Variants in NKAIN2 observed in about 807,000 individuals in gnomAD.
The protein encoded by NKAIN2 is sodium/potassium-transporting ATPase subunit beta-1-interacting protein 2.
NKAIN2 carries 14 observed loss-of-function variants against 32.6 expected under a neutral mutation model. The observed-to-expected ratio is 0.43, with a 90% CI of 0.28 to 0.67. NKAIN2 has a LOEUF of 0.67. Ranked by LOEUF, NKAIN2 falls within the 30% of genes least tolerant of loss-of-function variation. The probability of loss-of-function intolerance (pLI) is 0.17; values close to 1 mark genes in which losing one functional copy is unlikely to be tolerated. For missense variants in NKAIN2, 198 were observed against 258.3 expected (o/e 0.77, Z 1.60); for synonymous variants, 80 against 87.2 (o/e 0.92, Z 0.46).
intron 2 of NKAIN2, among the ~76,000 whole-genome samples, chr6:124,345,951 G>A (rs536096156): frequency 1.3e-5 from 2 of 151,944 alleles, no homozygotes; most frequent in Admixed American, 1.3e-4. Flanking sequence ...GATCTTTCCT[G>A]CTTTCTCTTC....
chr6:124,126,909 A>G (rs1163830094), intron 1 of NKAIN2, among the ~76,000 whole-genome samples: 6 of 152,162 alleles, frequency 3.9e-5, no homozygotes, highest in Non-Finnish European at 7.4e-5. Flanking sequence ...GAGCCATGCC[A>G]CTGCACTCCA....
chr6:123,940,684 G>T (rs1370478238), intron 1 of NKAIN2, among the ~76,000 whole-genome samples: 3 of 151,950 alleles, frequency 2.0e-5, no homozygotes, highest in Admixed American at 1.3e-4. Flanking sequence ...ATTTAAAATG[G>T]TACATCTGTA....
chr6:123,825,991 G>C (rs1324506075), intron 1 of NKAIN2, among the ~76,000 whole-genome samples: 1 of 152,114 alleles, frequency 6.6e-6, no homozygotes, highest in Non-Finnish European at 1.5e-5. Flanking sequence ...ATTAATTTCT[G>C]CATTTAAAAA....
At chr6:124,773,007 A>G (rs1034827505) in intron 4 of NKAIN2, among the ~76,000 whole-genome samples, 1 of 10,624 alleles carries the variant, frequency 9.4e-5, no homozygotes, top group African/African-American at 1.4e-4. Context: ...ATTCATAAGT[A>G]GGTGGGAGAA....
rs369211364 is a variant in NKAIN2, at chr6:123,859,322, G to A, written c.54+55068G>A. ...GTGGGAAGCAAAATTATAATCAAAA[G>A]ATTATGTGATGAGTTGGGTGAATCA... On this transcript the variant is annotated intron_variant, in intron 1 of 6. Transcript: ENST00000368417. Among the ~76,000 whole-genome samples, 105 of 152,236 alleles carry A rather than the reference G, an allele frequency of 6.9e-4. 1 individual carries two copies. The highest frequency in any genetic ancestry group is 2.4e-3 in the African/African-American group (100 of 41,554).
intron 1 of NKAIN2, among the ~76,000 whole-genome samples, chr6:124,221,253 G>A (rs1474855977): frequency 3.9e-5 from 6 of 152,004 alleles, no homozygotes; most frequent in Non-Finnish European, 7.4e-5. Flanking sequence ...CATGTACTTT[G>A]TAGGGACATG....
chr6:124,112,937 G>A (rs1785449685), intron 1 of NKAIN2, among the ~76,000 whole-genome samples: 2 of 149,978 alleles, frequency 1.3e-5, no homozygotes, highest in South Asian at 4.2e-4. Context: ...CTCTTTCTTT[G>A]TTGAAATTCT....
chr6:124,411,697 T>C (rs1774193273), intron 3 of NKAIN2, among the ~76,000 whole-genome samples: 1 of 152,150 alleles, frequency 6.6e-6, no homozygotes, highest in African/African-American at 2.4e-5. Context: ...TTTGTGGCGT[T>C]CTCTGTATTT....
intron 2 of NKAIN2, among the ~76,000 whole-genome samples, chr6:124,342,843 T>C (rs1341721971): frequency 7.9e-6 from 1 of 126,380 alleles, no homozygotes; most frequent in East Asian, 2.1e-4. Context: ...TTATTATTAT[T>C]ATTATACTTT....
At chr6:123,813,756 G>C (rs918488040) in intron 1 of NKAIN2, among the ~76,000 whole-genome samples, 1 of 152,052 alleles carries the variant, frequency 6.6e-6, no homozygotes, top group African/African-American at 2.4e-5. Context: ...AGGTTGCAGT[G>C]AGCCAAGATC....
At chr6:124,267,952 TTG>T (rs1349505184) in intron 1 of NKAIN2, among the ~76,000 whole-genome samples, 1 of 152,196 alleles carries the variant, frequency 6.6e-6, no homozygotes, top group African/African-American at 2.4e-5. Flanking sequence ...ATCTTAATTA[TTG>T]TTTTTCCACT....
At chr6:124,586,222 T>C (rs181651016) in intron 3 of NKAIN2, among the ~76,000 whole-genome samples, 30 of 152,322 alleles carry the variant, frequency 2.0e-4, no homozygotes, top group African/African-American at 3.4e-4. Context: ...ATAGCTAAAA[T>C]GTTTAAAATA....
At chr6:124,099,251 C>T (rs918062778) in intron 1 of NKAIN2, among the ~76,000 whole-genome samples, 13 of 151,916 alleles carry the variant, frequency 8.6e-5, no homozygotes, top group Non-Finnish European at 1.8e-4. Flanking sequence ...CATTTAATTC[C>T]TGTAATAATA....
At chr6:124,446,245 G>A (rs1182188124) in intron 3 of NKAIN2, among the ~76,000 whole-genome samples, 8 of 152,088 alleles carry the variant, frequency 5.3e-5, no homozygotes, top group African/African-American at 1.9e-4. Context: ...ATTTCTATTG[G>A]TCATGCTAGT....
At chr6:123,817,644 C>T (rs1773749382) in intron 1 of NKAIN2, among the ~76,000 whole-genome samples, 1 of 152,226 alleles carries the variant, frequency 6.6e-6, no homozygotes, top group East Asian at 1.9e-4. Context: ...TCCCTTTGAC[C>T]TATGAAAACG....
chr6:124,123,894 G>C (rs1462948787), intron 1 of NKAIN2, among the ~76,000 whole-genome samples: 2 of 152,126 alleles, frequency 1.3e-5, no homozygotes, highest in Non-Finnish European at 2.9e-5. Context: ...CATTGAGAGA[G>C]AGAGAGAAAT....
In NKAIN2 at chr6:124,283,220, A is replaced by T. The variant is rs534485612; in HGVS notation, c.192+78A>T. Reference sequence around the variant, plus strand: ...CAAACTCCAAATGCCTTGAAAACTTATGTGTATAATCTATCTTAAAGATGT... The same window carrying T: ...CAAACTCCAAATGCCTTGAAAACTTTTGTGTATAATCTATCTTAAAGATGT... On this transcript the variant is annotated intron_variant, in intron 2 of 6. Transcript: ENST00000368417. 7.3e-6 allele frequency: 7 copies of T among 956,730 alleles called. No homozygotes were observed. The Admixed American group carries it at 1.1e-4, about 15-fold the overall frequency. The allele number at this position is 956,730 out of a possible 1,614,324, so 59.3% of individuals were successfully genotyped here. A position where few individuals can be genotyped will look rare whatever the true frequency, so the allele number is the denominator to read the frequency against.
At chr6:124,738,144 G>A (rs903742390) in intron 4 of NKAIN2, among the ~76,000 whole-genome samples, 5 of 151,804 alleles carry the variant, frequency 3.3e-5, no homozygotes, top group African/African-American at 1.2e-4. Context: ...AGATAAGTTA[G>A]TATCAACTTA....
At chr6:124,802,684 G>A (rs1780314978) in intron 5 of NKAIN2, among the ~76,000 whole-genome samples, 1 of 152,096 alleles carries the variant, frequency 6.6e-6, no homozygotes, top group South Asian at 2.1e-4. Context: ...CCTTCATTAT[G>A]GTGGAAAGAG....
Sources: allele counts gnomAD v4.1 joint callset (sites outside exome capture counted in the v4.1 genomes callset), GRCh38; gene constraint gnomAD v4.1.1; transcripts MANE v1.5; gene names NCBI Gene and HGNC (gene_info 2026-07-23, HGNC 2026-07-21).